Variants in IQCE observed in about 807,000 individuals in gnomAD.
IQCE encodes IQ motif containing E.
A neutral mutation model predicts 96.0 loss-of-function variants in IQCE; 115 were observed. The ratio of observed to expected loss-of-function variants is 1.20; its 90% confidence interval spans 1.03 to 1.40. IQCE has a LOEUF of 1.40. Among genes scored for constraint, IQCE ranks in the 40% most tolerant of loss-of-function variants. IQCE has a pLI of 0.00. For synonymous variants in IQCE, 412 were observed against 371.2 expected, an observed-to-expected ratio of 1.11 and a Z score of -1.26; for missense variants, 1,041 against 909.1, an observed-to-expected ratio of 1.15 and a Z score of -1.87.
intron 4 of IQCE, 105 bp downstream of exon 4, chr7:2,571,759 C>T (rs1781771603): frequency 8.2e-7 from 1 of 1,223,222 alleles, no homozygotes; most frequent in Non-Finnish European, 1.1e-6. Context: ...GTTTGAATTA[C>T]ATTGTCTTTA....
In IQCE at chr7:2,593,065, A is replaced by T; in HGVS notation, c.1288A>T (p.Lys430Ter). The T allele has an allele frequency of 6.2e-7, 1 of 1,611,438 alleles. No homozygotes were observed. The highest frequency in any genetic ancestry group is 8.5e-7 in the Non-Finnish European group (1 of 1,177,888). ...QLLQAKADLEKELECAREGEE... is the reference protein window; with the variant it reads ...QLLQAKADLE Reference sequence around the variant, plus strand: ...CCTGCAGGCGAAGGCCGACCTGGAGAAGGAGCTGGAGTGCGCGAGGGAGGG... The same window carrying T: ...CCTGCAGGCGAAGGCCGACCTGGAGTAGGAGCTGGAGTGCGCGAGGGAGGG... Residue 430 changes from lysine to a stop codon, truncating the protein, a stop_gained, in exon 15 of 22, where the codon AAG becomes TAG. Coordinates refer to ENST00000402050, the MANE Select transcript of IQCE (RefSeq NM_152558.5). LOFTEE classifies it high-confidence loss of function.
intron 6 of IQCE, among the ~76,000 whole-genome samples, chr7:2,576,675 AG>A (rs1314220924): frequency 2.0e-5 from 3 of 152,102 alleles, no homozygotes; most frequent in African/African-American, 7.2e-5. Flanking sequence ...CTGGGATTAC[AG>A]GGGTAAGCCA....
intron 6 of IQCE, 43 bp downstream of exon 6, chr7:2,573,531 G>A: frequency 9.4e-7 from 1 of 1,066,824 alleles, no homozygotes; most frequent in Non-Finnish European, 1.4e-6. Flanking sequence ...AACGGTGAAA[G>A]CTTCCTATAA....
Position 2,613,667 on chromosome 7 carries a change from C to T in IQCE, c.*3505C>T, listed in dbSNP as rs1430944774. ...AGGCCAGAAACCAGCAGAAAAGAGG[C>T]AGAAGTGAGGTGGGTGTGCCTGGGG... On this transcript the variant is annotated 3_prime_UTR_variant, in exon 22 of 22. Coordinates refer to ENST00000402050, the MANE Select transcript of IQCE (RefSeq NM_152558.5). The T allele has an allele frequency of 1.3e-5, 2 of 152,476 alleles. No individual in the cohort carries two copies. Among genetic ancestry groups the T allele is most frequent in the Non-Finnish European group, 2.9e-5 (2 of 68,252 alleles). The allele number at this position is 152,476 out of a possible 1,614,324, so 9.4% of individuals were successfully genotyped here.
At chr7:2,588,093 C>A (rs1299698041) in intron 13 of IQCE, among the ~76,000 whole-genome samples, 1 of 152,242 alleles carries the variant, frequency 6.6e-6, no homozygotes, top group African/African-American at 2.4e-5. Flanking sequence ...TGCGTGGCCG[C>A]AGGCAGACGC....
chr7:2,567,187 G>T (rs199915623), intron 2 of IQCE, 24 bp downstream of exon 2: 3 of 1,606,666 alleles, frequency 1.9e-6, no homozygotes, highest in African/African-American at 2.7e-5. Flanking sequence ...GGTGTCAGCC[G>T]TGCGACCTCG....
rs770804732 is a variant in IQCE, at chr7:2,589,961, C to T, written c.1099C>T (p.His367Tyr). ...KSHAAEPVRS[H>Y]PPACLASSSA... ...ACACGCCGCAGAGCCAGTCAGATCA[C>T]ACCCGCCAGCCTGCCTTGCATCCAG... is the stretch of plus-strand genomic sequence containing the variant. The change falls in exon 14 of 22, where the codon CAC (histidine) becomes TAC (tyrosine). Residue 367 changes from histidine (H) to tyrosine (Y), a missense_variant. Coordinates refer to ENST00000402050, the MANE Select transcript of IQCE (RefSeq NM_152558.5). The T allele has an allele frequency of 3.1e-5, 50 of 1,613,850 alleles. 2 individuals carry two copies. The South Asian group carries it at 5.2e-4, about 17-fold the overall frequency.
chr7:2,578,635 A>AGG lies in IQCE; in HGVS notation c.630+114_630+115dup, dbSNP rs962222799. On this transcript the variant is annotated intron_variant, in intron 8 of 21. Coordinates refer to ENST00000402050, the MANE Select transcript of IQCE (RefSeq NM_152558.5). ...CACCCACGCGTGAAGAGCAGCAGGC[A>AGG]GGGGGGAGGCTGCGGACCCCCAAAC... The AGG allele has an allele frequency of 4.8e-6, 6 of 1,246,276 alleles. No individual in the cohort carries two copies. In the African/African-American group the frequency reaches 8.8e-5, roughly 18 times the overall value. The allele number at this position is 1,246,276 out of a possible 1,614,324, so 77.2% of individuals were successfully genotyped here. A position where few individuals can be genotyped will look rare whatever the true frequency, so the allele number is the denominator to read the frequency against.
intron 3 of IQCE, among the ~76,000 whole-genome samples, chr7:2,569,270 C>G (rs76911897): frequency 2.0e-3 from 307 of 152,330 alleles, no homozygotes; most frequent in African/African-American, 6.9e-3. Flanking sequence ...ACTCCCCAGT[C>G]TCCCCCGACA....
rs189691169 is a variant in IQCE, at chr7:2,575,172, C to T, written c.465+1684C>T. On this transcript the variant is annotated intron_variant, in intron 6 of 21. Transcript: ENST00000402050. ...AACCAGGACGCTCTGAGTGTTTCAT[C>T]GCGAGACTCTGACTCTTGCTCAATC... Among the ~76,000 whole-genome samples, 119 of 152,370 alleles carry T rather than the reference C, an allele frequency of 7.8e-4. 1 individual carries two copies. Among genetic ancestry groups the T allele is most frequent in the Admixed American group, 3.0e-3 (46 of 15,308 alleles).
At chr7:2,568,824 T>C in intron 2 of IQCE, 130 bp from the exon 3 acceptor site, 1 of 794,782 alleles carries the variant, frequency 1.3e-6, no homozygotes, top group Non-Finnish European at 2.1e-6. Flanking sequence ...GGACCCTCCT[T>C]ACGTCCCCGT....
rs962045984 is a variant in IQCE at position 2,597,048 on chromosome 7, G to C, written c.1441-1417G>C. 6 of 471,222 alleles carry C rather than the reference G, an allele frequency of 1.3e-5. No individual in the cohort carries two copies. In the East Asian group the frequency reaches 3.5e-4, roughly 27 times the overall value. The allele number at this position is 471,222 out of a possible 1,614,324, so 29.2% of individuals were successfully genotyped here. On this transcript the variant is annotated intron_variant, in intron 16 of 21. Coordinates refer to ENST00000402050, the MANE Select transcript of IQCE (RefSeq NM_152558.5). ...CAGGAGGCAGGGCACGCAAGGCCAC[G>C]CAGGAGCGGCGCGTCGGCCAGGAGG...
Position 2,578,253 on chromosome 7 carries a change from G to T in IQCE, c.477G>T (p.Val159=). Residue 159 remains valine (V), a synonymous_variant, in exon 7 of 22, where the codon GTG becomes GTT. Coordinates refer to ENST00000402050, the MANE Select transcript of IQCE (RefSeq NM_152558.5). ...CTTGTTTTCTTCAGTCATTGCACGT[G>T]CAGAAGAGCGACGTGGACCTGATGA... is the stretch of plus-strand genomic sequence containing the variant. ...EIIELKKSLH[V]QKSDVDLMRT... is the part of the protein sequence containing the mutation. 6.2e-7 allele frequency: 1 copy of T among 1,612,866 alleles called. No individual in the cohort carries two copies. Among genetic ancestry groups the T allele is most frequent in the Non-Finnish European group, 8.5e-7 (1 of 1,179,010 alleles).
At chr7:2,578,800 CA>C (rs1442393889) in intron 8 of IQCE, among the ~76,000 whole-genome samples, 2 of 152,188 alleles carry the variant, frequency 1.3e-5, no homozygotes, top group Non-Finnish European at 2.9e-5. Flanking sequence ...TTAAGCTTAA[CA>C]AGCGCTCCCA....
chr7:2,591,458 G>A (rs767168080), intron 14 of IQCE, among the ~76,000 whole-genome samples: 1 of 152,002 alleles, frequency 6.6e-6, no homozygotes, highest in Middle Eastern at 3.2e-3. Context: ...TTGGAATGAT[G>A]TTTCTCTCTA....
intron 17 of IQCE, among the ~76,000 whole-genome samples, chr7:2,600,003 A>G (rs546485192): frequency 6.6e-6 from 1 of 152,096 alleles, no homozygotes; most frequent in South Asian, 2.1e-4. Flanking sequence ...CATGTTGTCC[A>G]GACTGGTCTT....
At chr7:2,589,769 A>G in intron 13 of IQCE, 138 bp from the exon 14 acceptor site, 1 of 728,860 alleles carries the variant, frequency 1.4e-6, no homozygotes. Context: ...TTCTCTGGGT[A>G]ACTCGGGTCC....
At chr7:2,559,720 A>T (rs78625092) in intron 1 of IQCE, among the ~76,000 whole-genome samples, 1 of 128,428 alleles carries the variant, frequency 7.8e-6, no homozygotes, top group Non-Finnish European at 1.6e-5. Flanking sequence ...TTGCCCGGTA[A>T]ATATCTACTG....
intron 16 of IQCE, chr7:2,596,877 T>G: frequency 2.3e-6 from 1 of 436,676 alleles, no homozygotes. Flanking sequence ...GGAATGCTGG[T>G]GCCAAGCAAC....
Sources: allele counts gnomAD v4.1 joint callset (sites outside exome capture counted in the v4.1 genomes callset), GRCh38; gene constraint gnomAD v4.1.1; transcripts MANE v1.5; gene names NCBI Gene and HGNC (gene_info 2026-07-23, HGNC 2026-07-21).